Variants in FRMD5 observed in about 807,000 individuals in gnomAD.
FRMD5 encodes FERM domain-containing protein 5.
FRMD5 carries 20 observed loss-of-function variants against 69.0 expected under a neutral mutation model. That is an observed-to-expected ratio of 0.29 (90% CI 0.20 to 0.42). The LOEUF is 0.42. Among genes scored for constraint, FRMD5 ranks in the 10% least tolerant of loss-of-function variants. The pLI is 1.00. For synonymous variants in FRMD5, 271 were observed against 260.1 expected, an observed-to-expected ratio of 1.04 and a Z score of -0.40; for missense variants, 595 against 708.6, an observed-to-expected ratio of 0.84 and a Z score of 1.82.
At chr15:43,892,789 C>T (rs546156731) in intron 7 of FRMD5, among the ~76,000 whole-genome samples, 61 of 152,294 alleles carry the variant, frequency 4.0e-4, no homozygotes, top group Admixed American at 1.9e-3. Context: ...ATACTAAAAA[C>T]CACTGAATTG....
chr15:44,164,186 T>C (rs1260713600), intron 1 of FRMD5, among the ~76,000 whole-genome samples: 1 of 152,250 alleles, frequency 6.6e-6, no homozygotes, highest in Non-Finnish European at 1.5e-5. Flanking sequence ...CATGTTTTCT[T>C]TGGTTTCCCT....
chr15:43,958,743 C>T (rs568441478), intron 1 of FRMD5, among the ~76,000 whole-genome samples: 84 of 152,322 alleles, frequency 5.5e-4, no homozygotes, highest in Admixed American at 5.0e-3. Context: ...CCACCCTGCC[C>T]AGCTGGTAAA....
chr15:44,004,235 C>G (rs1203051418), intron 1 of FRMD5, among the ~76,000 whole-genome samples: 1 of 152,210 alleles, frequency 6.6e-6, no homozygotes, highest in Non-Finnish European at 1.5e-5. Context: ...TTAAATCAAA[C>G]TTCCAGAGAA....
At position 44,195,123 on chromosome 15, in the gene FRMD5, G is replaced by A; in HGVS notation, c.-69C>T. On this transcript the variant is annotated 5_prime_UTR_variant, in exon 1 of 14. Coordinates refer to ENST00000417257, the MANE Select transcript of FRMD5 (RefSeq NM_032892.5). ...CCCTGGACCAGGCGTCCCTCAGCCC[G>A]GCAGCTCCGCACCGACCCCAGGCAC... is the stretch of plus-strand genomic sequence containing the variant. 8.8e-7 allele frequency: 1 copy of A among 1,135,904 alleles called. No homozygotes were observed. Among genetic ancestry groups the A allele is most frequent in the Non-Finnish European group, 1.2e-6 (1 of 866,646 alleles). The allele number at this position is 1,135,904 out of a possible 1,614,324, so 70.4% of individuals were successfully genotyped here.
intron 5 of FRMD5, among the ~76,000 whole-genome samples, chr15:43,908,769 A>G (rs185447523): frequency 5.6e-4 from 86 of 152,306 alleles, no homozygotes; most frequent in African/African-American, 1.9e-3. Context: ...TCTGGGCCTC[A>G]GCTGGGTAAG....
chr15:44,021,994 C>T (rs1452322183), intron 1 of FRMD5, among the ~76,000 whole-genome samples: 6 of 151,954 alleles, frequency 3.9e-5, no homozygotes, highest in African/African-American at 9.7e-5. Context: ...ACAAGATAGA[C>T]GAACCTTGAA....
intron 1 of FRMD5, among the ~76,000 whole-genome samples, chr15:43,968,533 T>G (rs977880371): frequency 6.6e-6 from 1 of 152,174 alleles, no homozygotes; most frequent in East Asian, 1.9e-4. Flanking sequence ...CTGACTCCTA[T>G]TCTGTGTGTT....
chr15:44,036,498 A>G (rs1450975787), intron 1 of FRMD5, among the ~76,000 whole-genome samples: 2 of 152,278 alleles, frequency 1.3e-5, no homozygotes, highest in East Asian at 3.9e-4. Flanking sequence ...TCATACTGCT[A>G]TTTGCATGGC....
At chr15:44,008,089 A>ATTTTTT (rs35785368) in intron 1 of FRMD5, among the ~76,000 whole-genome samples, 2 of 62,820 alleles carry the variant, frequency 3.2e-5, no homozygotes, top group African/African-American at 5.4e-5. Flanking sequence ...ACAATCGGCA[A>ATTTTTT]TTTTTTTTTT....
At chr15:44,143,948 A>AG (rs1595517413) in intron 1 of FRMD5, among the ~76,000 whole-genome samples, 2 of 138,790 alleles carry the variant, frequency 1.4e-5, no homozygotes, top group Admixed American at 7.4e-5. Flanking sequence ...AAAAAGGAAA[A>AG]GAAAAGTATT....
In FRMD5 at chr15:44,165,823, C is replaced by T. The variant is rs1395061934; in HGVS notation, c.102+29130G>A. ...TCCAGCCTGGGCGACAGAGTGAGAC[C>T]CTGCCTCAAAAAAATAAAAATAAAA... On this transcript the variant is annotated intron_variant, in intron 1 of 13. Coordinates refer to ENST00000417257, the MANE Select transcript of FRMD5 (RefSeq NM_032892.5). Among the ~76,000 whole-genome samples the T allele has an allele frequency of 1.3e-5, 2 of 151,840 alleles. 1 individual carries two copies. The highest frequency in any genetic ancestry group is 3.9e-4 in the East Asian group (2 of 5,178).
chr15:43,907,528 T>A (rs1186460783), intron 5 of FRMD5, among the ~76,000 whole-genome samples: 4 of 90,006 alleles, frequency 4.4e-5, no homozygotes, highest in Non-Finnish European at 1.1e-4. Flanking sequence ...CAGGCCTAGC[T>A]TTTTTTTTTT....
intron 1 of FRMD5, among the ~76,000 whole-genome samples, chr15:43,964,952 G>T (rs1454232588): frequency 6.6e-6 from 1 of 152,132 alleles, no homozygotes; most frequent in Non-Finnish European, 1.5e-5. Flanking sequence ...AATTAGGGTT[G>T]CTGTGAAATA....
chr15:44,013,883 G>C (rs1392520765), intron 1 of FRMD5, among the ~76,000 whole-genome samples: 6 of 143,434 alleles, frequency 4.2e-5, no homozygotes, highest in African/African-American at 1.6e-4. Flanking sequence ...TTGAGACAGA[G>C]TCTCACTCTG....
intron 1 of FRMD5, among the ~76,000 whole-genome samples, chr15:44,036,774 TG>T (rs954453659): frequency 7.9e-5 from 12 of 152,344 alleles, no homozygotes; most frequent in African/African-American, 2.6e-4. Flanking sequence ...TTTTTTGTTT[TG>T]TGCATCGGCC....
At chr15:43,958,419 T>C (rs545956552) in intron 1 of FRMD5, among the ~76,000 whole-genome samples, 7 of 151,198 alleles carry the variant, frequency 4.6e-5, no homozygotes, top group South Asian at 4.2e-4. Flanking sequence ...AAGTAAATTT[T>C]TGTTTTTTTG....
At chr15:43,919,433 G>T in intron 4 of FRMD5, 26 bp downstream of exon 4, 12 of 1,602,410 alleles carry the variant, frequency 7.5e-6, no homozygotes, top group Non-Finnish European at 1.0e-5. Context: ...AGGTCCTAAT[G>T]GCTGCGGGAA....
chr15:43,875,882 T>C (rs935216401), intron 13 of FRMD5: 3 of 672,972 alleles, frequency 4.5e-6, no homozygotes, highest in African/African-American at 1.9e-5. Context: ...TAATATGATA[T>C]CCAAATTTTG....
intron 1 of FRMD5, among the ~76,000 whole-genome samples, chr15:44,098,121 A>AAAAAAACT (rs2076581447): frequency 3.8e-4 from 1 of 2,600 alleles, no homozygotes; most frequent in South Asian, 0.031. Flanking sequence ...AAAACAAAAA[A>AAAAAAACT]AAAAAAACTA....
Sources: gnomAD v4.1 joint callset for allele counts (sites outside exome capture counted in the v4.1 genomes callset) on GRCh38, gnomAD v4.1.1 for gene constraint, MANE v1.5 for transcripts, NCBI Gene and HGNC (gene_info 2026-07-23, HGNC 2026-07-21) for gene names.